IQSEC1: variants seen among roughly 807,000 people sequenced by gnomAD.
The protein encoded by IQSEC1 is IQ motif and SEC7 domain-containing protein 1.
In IQSEC1, 31 loss-of-function variants were observed where a neutral mutation model predicts 91.0. The observed-to-expected ratio is 0.34, with a 90% CI of 0.26 to 0.46. IQSEC1 has a LOEUF of 0.46. Among genes scored for constraint, IQSEC1 ranks in the 20% least tolerant of loss-of-function variants. The pLI, the probability that IQSEC1 is intolerant of heterozygous loss-of-function variation, is 1.00. For synonymous variants in IQSEC1, 699 were observed against 662.6 expected (o/e 1.05, Z -0.84); for missense variants, 1,388 against 1,575.6 (o/e 0.88, Z 2.02).
intron 1 of IQSEC1, among the ~76,000 whole-genome samples, chr3:13,221,844 A>G (rs1040984354): frequency 6.6e-6 from 1 of 152,242 alleles, no homozygotes. Context: ...AGATTCATAA[A>G]GGACTCCAGG....
At chr3:13,163,971 G>C (rs1225385412) in intron 2 of IQSEC1, among the ~76,000 whole-genome samples, 1 of 152,212 alleles carries the variant, frequency 6.6e-6, no homozygotes, top group Non-Finnish European at 1.5e-5. Context: ...ACACGCCAGG[G>C]CTGAAGGGGG....
rs1471397553 is a variant in IQSEC1 at position 12,899,570 on chromosome 3, A to G, written c.*1413T>C. 6.7e-7 allele frequency: 1 copy of G among 1,483,382 alleles called. No individual in the cohort carries two copies. The highest frequency in any genetic ancestry group is 2.5e-5 in the East Asian group (1 of 39,570). 91.9% of individuals were successfully genotyped at this position (1,483,382 alleles called of 1,614,324 possible). On this transcript the variant is annotated 3_prime_UTR_variant, in exon 14 of 14. Transcript: ENST00000613206. ...GAGTCATGTGATGCCCTGGCAGCTCACTGGACCATGGGAAGGCAGCGGGGG... is the reference window on the plus strand; with the variant it reads ...GAGTCATGTGATGCCCTGGCAGCTCGCTGGACCATGGGAAGGCAGCGGGGG...
In IQSEC1 at chr3:12,901,331, CACCGGTGGGTGGGGGGGTGGCAGGGCT is replaced by C; in HGVS notation, c.2970_2996del (p.Ala991_Val999del). The C allele has an allele frequency of 6.5e-7, 1 of 1,532,604 alleles. No homozygotes were observed. The highest frequency in any genetic ancestry group is 8.8e-7 in the Non-Finnish European group (1 of 1,138,260). The allele number at this position is 1,532,604 out of a possible 1,614,324, so 94.9% of individuals were successfully genotyped here. A position where few individuals can be genotyped will look rare whatever the true frequency, so the allele number is the denominator to read the frequency against. On this transcript the variant is annotated inframe_deletion, in exon 14 of 14. Transcript: ENST00000613206. ...CAGAGTGCTGCAAGTGAGGCAGGAC[CACCGGTGGGTGGGGGGGTGGCAGGGCT>C]GGGGCTGAGGGCAGGTGGGCCTGGG...
At chr3:13,056,875 C>A (rs1704899140) in intron 1 of IQSEC1, among the ~76,000 whole-genome samples, 1 of 152,002 alleles carries the variant, frequency 6.6e-6, no homozygotes, top group South Asian at 2.1e-4. Context: ...AACTAAAATA[C>A]AGAAGTTGTC....
At position 12,908,675 on chromosome 3, in the gene IQSEC1, C is replaced by G; in HGVS notation, c.2579-150G>C. 1.2e-6 allele frequency: 1 copy of G among 802,510 alleles called. No homozygotes were observed. The highest frequency in any genetic ancestry group is 2.5e-5 in the Admixed American group (1 of 40,280). The allele number at this position is 802,510 out of a possible 1,614,324, so 49.7% of individuals were successfully genotyped here. ...TTTCTGGGAAAGAGGGTGTGATGGC[C>G]ACCCTGGACAAAAGAGCAGAAAGGA... On this transcript the variant is annotated intron_variant, in intron 11 of 13. Coordinates refer to ENST00000613206, the MANE Select transcript of IQSEC1 (RefSeq NM_001134382.3). This position sits in a 1 kb window ranked among gnomAD's most constrained non-coding sequence, Gnocchi z 4.9.
intron 1 of IQSEC1, among the ~76,000 whole-genome samples, chr3:13,005,520 G>C (rs1317731250): frequency 6.6e-6 from 1 of 152,214 alleles, no homozygotes; most frequent in African/African-American, 2.4e-5. Flanking sequence ...GAGGCAGGCA[G>C]GCAGGAGGCG....
intron 2 of IQSEC1, among the ~76,000 whole-genome samples, chr3:13,121,679 A>G (rs1156491674): frequency 6.6e-6 from 1 of 152,210 alleles, no homozygotes; most frequent in African/African-American, 2.4e-5. Context: ...ACAGAGTGGT[A>G]GCCTGGCCAC....
Position 13,216,942 on chromosome 3 carries a change from C to T in IQSEC1, c.273-52809G>A, listed in dbSNP as rs932810217. Among the ~76,000 whole-genome samples, 6 of 152,178 alleles carry T rather than the reference C, an allele frequency of 3.9e-5. No homozygotes were observed. In the South Asian group the frequency reaches 8.3e-4, roughly 21 times the overall value. ...TAATGGCATAGGACACAGCATATCA[C>T]GACGCAGGCAAGGTGAACACACTGC... On this transcript the variant is annotated intron_variant, in intron 1 of 15. Transcript: ENST00000648114.
chr3:13,119,568 C>T lies in IQSEC1; in HGVS notation c.302+44536G>A, dbSNP rs137972248. ...GGGTCCAACAACATCCTGGCTTCTT[C>T]CTGTGATCACTGATGCTGTTCAGGA... On this transcript the variant is annotated intron_variant, in intron 2 of 15. Transcript: ENST00000648114. Among the ~76,000 whole-genome samples, 23 of 152,344 alleles carry T rather than the reference C, an allele frequency of 1.5e-4. 1 individual carries two copies. In the East Asian group the frequency reaches 4.4e-3, roughly 29 times the overall value.
intron 2 of IQSEC1, among the ~76,000 whole-genome samples, chr3:13,085,071 A>G (rs576344260): frequency 6.6e-6 from 1 of 152,328 alleles, no homozygotes; most frequent in African/African-American, 2.4e-5. Flanking sequence ...CCTCGAACAA[A>G]GAGGAACAGG....
At chr3:13,042,505 C>G (rs1482993193) in intron 1 of IQSEC1, 1 of 152,402 alleles carries the variant, frequency 6.6e-6, no homozygotes, top group South Asian at 2.1e-4. Context: ...CCCAGCCCGC[C>G]CGGCGCAGCT....
At chr3:13,000,392 G>A (rs941667012) in intron 1 of IQSEC1, among the ~76,000 whole-genome samples, 15 of 152,128 alleles carry the variant, frequency 9.9e-5, no homozygotes, top group Admixed American at 2.0e-4. Context: ...TCCTCTAGAC[G>A]TCATCTTCTT....
rs1272769238 is a variant in IQSEC1 at position 12,897,228 on chromosome 3, A to G, written c.*3755T>C. 6.6e-6 allele frequency: 1 copy of G among 152,258 alleles called. No individual in the cohort carries two copies. The highest frequency in any genetic ancestry group is 1.9e-4 in the East Asian group (1 of 5,202). The allele number at this position is 152,258 out of a possible 1,614,324, so 9.4% of individuals were successfully genotyped here. ...GAAAAAGTGAGAATCCGAGAGTTTCAAAGGATTTATTTGATTTCCCCACAT... is the reference window on the plus strand; with the variant it reads ...GAAAAAGTGAGAATCCGAGAGTTTCGAAGGATTTATTTGATTTCCCCACAT... On this transcript the variant is annotated 3_prime_UTR_variant, in exon 14 of 14. Coordinates refer to ENST00000613206, the MANE Select transcript of IQSEC1 (RefSeq NM_001134382.3).
At chr3:12,905,173 G>A (rs555575407) in intron 12 of IQSEC1, among the ~76,000 whole-genome samples, 349 of 152,382 alleles carry the variant, frequency 2.3e-3, no homozygotes, top group African/African-American at 8.0e-3. Flanking sequence ...GGCCAGAATA[G>A]TGGCTCACAC....
In IQSEC1 at chr3:12,900,547, TTGTCAA is replaced by T; in HGVS notation, c.*430_*435del. The T allele has an allele frequency of 1.0e-6, 1 of 986,592 alleles. No individual in the cohort carries two copies. The highest frequency in any genetic ancestry group is 1.1e-4 in the East Asian group (1 of 8,934). 61.1% of individuals were successfully genotyped at this position (986,592 alleles called of 1,614,324 possible). A position where few individuals can be genotyped will look rare whatever the true frequency, so the allele number is the denominator to read the frequency against. ...TCAGGTCTACTTATTTTTTTGCCCATTGTCAATAAAAGAGCAATAATGCAGCAAGTT... is the reference window on the plus strand; with the variant it reads ...TCAGGTCTACTTATTTTTTTGCCCATTAAAAGAGCAATAATGCAGCAAGTT... On this transcript the variant is annotated 3_prime_UTR_variant, in exon 14 of 14. Transcript: ENST00000613206.
intron 2 of IQSEC1, among the ~76,000 whole-genome samples, chr3:13,089,104 CCA>C (rs1705791159): frequency 1.3e-5 from 2 of 152,360 alleles, no homozygotes; most frequent in South Asian, 2.1e-4. Flanking sequence ...CTCCTATTGG[CCA>C]GGAGGCCCCC....
At position 13,253,667 on chromosome 3, in the gene IQSEC1, A is replaced by C. The variant is rs139022354; in HGVS notation, c.272+29044T>G. 6.3e-4 allele frequency among the ~76,000 whole-genome samples: 96 copies of C among 152,322 alleles called. No homozygotes were observed. In the East Asian group the frequency reaches 0.018, roughly 28 times the overall value. ...GCACACAAGGGCACTAAGCAGAATG[A>C]TTCTCTTAAGCAACTCTATTTTTGA... On this transcript the variant is annotated intron_variant, in intron 1 of 15. Coordinates refer to the IQSEC1 transcript ENST00000648114.
intron 1 of IQSEC1, among the ~76,000 whole-genome samples, chr3:13,194,892 C>G (rs1303599574): frequency 6.6e-6 from 1 of 152,170 alleles, no homozygotes; most frequent in Non-Finnish European, 1.5e-5. Flanking sequence ...ATCCACAAAA[C>G]CTTTAGAAAA....
chr3:13,004,569 C>G (rs1702554509), intron 1 of IQSEC1, among the ~76,000 whole-genome samples: 1 of 152,208 alleles, frequency 6.6e-6, no homozygotes, highest in Non-Finnish European at 1.5e-5. Flanking sequence ...GGAAGTCAAA[C>G]TGTCTCCACA....
Sources: gnomAD v4.1 joint callset for allele counts (sites outside exome capture counted in the v4.1 genomes callset) on GRCh38, gnomAD v4.1.1 for gene constraint, Gnocchi (gnomAD v3.1) non-coding constraint, MANE v1.5 for transcripts, NCBI Gene and HGNC (gene_info 2026-07-23, HGNC 2026-07-21) for gene names.